DAB1: variants seen among roughly 807,000 people sequenced by gnomAD.
The protein encoded by DAB1 is disabled homolog 1.
DAB1 carries 15 observed loss-of-function variants against 64.6 expected under a neutral mutation model. The observed-to-expected ratio is 0.23, with a 90% confidence interval of 0.16 to 0.36. The LOEUF (loss-of-function observed/expected upper bound fraction) is 0.36, where lower values mean the gene tolerates loss of function less well. Among genes scored for constraint, DAB1 ranks in the 10% least tolerant of loss-of-function variants. The pLI, the probability that DAB1 is intolerant of heterozygous loss-of-function variation, is 1.00. For synonymous variants in DAB1, 235 were observed against 251.9 expected (o/e 0.93, Z 0.64); for missense variants, 596 against 706.7 (o/e 0.84, Z 1.78).
intron 4 of DAB1, among the ~76,000 whole-genome samples, chr1:58,314,562 G>A (rs768753520): frequency 2.1e-4 from 32 of 152,174 alleles, no homozygotes; most frequent in Middle Eastern, 3.4e-3. Context: ...AGCAAGTGAC[G>A]CCCCCATTGC....
At chr1:57,835,819 GAA>G (rs1557507732) in intron 1 of DAB1, among the ~76,000 whole-genome samples, 1 of 152,034 alleles carries the variant, frequency 6.6e-6, no homozygotes, top group African/African-American at 2.4e-5. Flanking sequence ...TGCTGTTTCC[GAA>G]AGACACCTGA....
chr1:57,396,696 C>G (rs1682836565), intron 1 of DAB1, among the ~76,000 whole-genome samples: 1 of 152,186 alleles, frequency 6.6e-6, no homozygotes, highest in Non-Finnish European at 1.5e-5. Flanking sequence ...TAGTACTTCT[C>G]TATGCCTCAG....
intron 2 of DAB1, among the ~76,000 whole-genome samples, chr1:57,283,340 C>A (rs774658538): frequency 3.3e-5 from 5 of 152,172 alleles, no homozygotes; most frequent in Admixed American, 6.5e-5. Flanking sequence ...ACCAACTACC[C>A]CATATTCCTC....
At chr1:58,419,030 C>T (rs1644747562) in intron 3 of DAB1, among the ~76,000 whole-genome samples, 1 of 152,218 alleles carries the variant, frequency 6.6e-6, no homozygotes, top group African/African-American at 2.4e-5. Context: ...GGGCCTCCAG[C>T]ACCCTCCTGG....
intron 6 of DAB1, among the ~76,000 whole-genome samples, chr1:57,743,257 A>C (rs1465284538): frequency 1.3e-5 from 2 of 152,156 alleles, no homozygotes; most frequent in African/African-American, 2.4e-5. Flanking sequence ...ATGACATTCC[A>C]CCATCGTGAT....
In DAB1 at chr1:57,709,985, C is replaced by G. The variant is rs144265666; in HGVS notation, n.552-60320G>C. On this transcript the variant is annotated intron_variant and non_coding_transcript_variant, in intron 6 of 20. Transcript: ENST00000485760. Reference sequence around the variant, plus strand: ...TTGCGACTTGATTTTTCAGGCTGCTCTTTGTTAGAAAAGAAATGATTTGGG... The same window carrying G: ...TTGCGACTTGATTTTTCAGGCTGCTGTTTGTTAGAAAAGAAATGATTTGGG... Among the ~76,000 whole-genome samples the G allele has an allele frequency of 3.4e-4, 52 of 152,168 alleles. No homozygotes were observed. The East Asian group carries it at 6.4e-3, about 19-fold the overall frequency.
intron 4 of DAB1, among the ~76,000 whole-genome samples, chr1:58,330,850 T>C (rs1012196314): frequency 7.2e-5 from 11 of 152,214 alleles, no homozygotes; most frequent in Non-Finnish European, 1.0e-4. Flanking sequence ...ATGCACCTGG[T>C]CATTCAACCC....
chr1:58,003,116 G>C (rs1217955699), intron 5 of DAB1, among the ~76,000 whole-genome samples: 1 of 152,078 alleles, frequency 6.6e-6, no homozygotes, highest in Admixed American at 6.6e-5. Flanking sequence ...CAAGTGCCTG[G>C]TCTATGAAAC....
chr1:57,033,790 G>A (rs2100437349), intron 9 of DAB1, among the ~76,000 whole-genome samples: 1 of 152,330 alleles, frequency 6.6e-6, no homozygotes, highest in Middle Eastern at 3.4e-3. Flanking sequence ...TGGTAAATTT[G>A]TAAGTTTAAA....
At chr1:57,185,281 T>C (rs531114553) in intron 2 of DAB1, among the ~76,000 whole-genome samples, 1 of 152,286 alleles carries the variant, frequency 6.6e-6, no homozygotes, top group South Asian at 2.1e-4. Flanking sequence ...CTCCTGGAAC[T>C]TATGATGCCA....
At chr1:57,750,819 A>G (rs1648514920) in intron 6 of DAB1, among the ~76,000 whole-genome samples, 1 of 152,086 alleles carries the variant, frequency 6.6e-6, no homozygotes, top group African/African-American at 2.4e-5. Flanking sequence ...TTATCTTTGT[A>G]TCTGTACCGC....
At chr1:58,248,814 T>G (rs1660671266) in intron 4 of DAB1, among the ~76,000 whole-genome samples, 1 of 152,012 alleles carries the variant, frequency 6.6e-6, no homozygotes, top group African/African-American at 2.4e-5. Context: ...GAAACCCCAC[T>G]CTGCAGCAGA....
At chr1:57,247,273 C>T (rs1668956313) in intron 2 of DAB1, among the ~76,000 whole-genome samples, 1 of 152,114 alleles carries the variant, frequency 6.6e-6, no homozygotes, top group Non-Finnish European at 1.5e-5. Context: ...TTCACCCTTG[C>T]TGTTCTCATG....
At chr1:57,428,110 G>A (rs1448172526), upstream of DAB1, among the ~76,000 whole-genome samples, 1 of 152,082 alleles carries the variant, frequency 6.6e-6, no homozygotes, top group East Asian at 1.9e-4. Context: ...GGAGGGTGCA[G>A]TGAGCTGAGA....
intron 1 of DAB1, chr1:57,865,170 G>A (rs945181424): frequency 3.3e-5 from 5 of 152,076 alleles, no homozygotes; most frequent in East Asian, 3.9e-4. Context: ...ACCAGAAAAG[G>A]CATATCTGCC....
At chr1:57,413,740 T>C (rs1684287288) in intron 1 of DAB1, among the ~76,000 whole-genome samples, 1 of 101,256 alleles carries the variant, frequency 9.9e-6, no homozygotes, top group Non-Finnish European at 1.7e-5. Context: ...CAAGACTCTG[T>C]CTCAAAAAAA....
intron 3 of DAB1, among the ~76,000 whole-genome samples, chr1:58,390,223 TACCCC>T (rs1644465256): frequency 1.3e-5 from 2 of 152,080 alleles, no homozygotes; most frequent in South Asian, 4.2e-4. Flanking sequence ...CACACACACA[TACCCC>T]ACCCCACCCC....
intron 4 of DAB1, among the ~76,000 whole-genome samples, chr1:58,182,190 AC>A (rs1454496606): frequency 6.6e-6 from 1 of 151,576 alleles, no homozygotes; most frequent in Admixed American, 6.6e-5. Flanking sequence ...GTGTTTTTTT[AC>A]TTCTTGCTGA....
At chr1:57,418,808 A>G (rs868034333) in intron 1 of DAB1, among the ~76,000 whole-genome samples, 1 of 152,206 alleles carries the variant, frequency 6.6e-6, no homozygotes, top group African/African-American at 2.4e-5. Flanking sequence ...AATATGCTAC[A>G]TATTTCATAA....
Sources: gnomAD v4.1 joint callset for allele counts (sites outside exome capture counted in the v4.1 genomes callset) on GRCh38, gnomAD v4.1.1 for gene constraint, MANE v1.5 for transcripts, NCBI Gene and HGNC (gene_info 2026-07-23, HGNC 2026-07-21) for gene names.